MNAT1: variants seen among roughly 807,000 people sequenced by gnomAD.
The protein encoded by MNAT1 is MNAT1 component of CDK activating kinase.
In MNAT1, 43 loss-of-function variants were observed where a neutral mutation model predicts 42.0. That is an observed-to-expected ratio of 1.02 (90% CI 0.80 to 1.32). The LOEUF (loss-of-function observed/expected upper bound fraction) is 1.32. MNAT1 is among the 40% of genes most tolerant of loss of function. The pLI, the probability that MNAT1 is intolerant of heterozygous loss-of-function variation, is 0.00. For missense variants in MNAT1, 306 were observed against 350.4 expected, an observed-to-expected ratio of 0.87 and a Z score of 1.01; for synonymous variants, 118 against 120.0, an observed-to-expected ratio of 0.98 and a Z score of 0.11.
At chr14:60,966,489 A>T (rs1028897) in intron 7 of MNAT1, among the ~76,000 whole-genome samples, 137,601 of 152,168 alleles carry the variant, frequency 0.9, 62,913 homozygotes, top group Non-Finnish European at 0.99. Flanking sequence ...AAGATACAGT[A>T]TATGGAGAAA....
intron 7 of MNAT1, among the ~76,000 whole-genome samples, chr14:60,881,741 G>T (rs764252027): frequency 6.2e-4 from 95 of 152,190 alleles, no homozygotes; most frequent in Non-Finnish European, 1.1e-3. Context: ...CATTAAGGTA[G>T]ATGGTATATC....
intron 1 of MNAT1, among the ~76,000 whole-genome samples, chr14:60,776,650 A>G (rs2031262705): frequency 6.6e-6 from 1 of 152,138 alleles, no homozygotes; most frequent in African/African-American, 2.4e-5. Context: ...AGTATCACTG[A>G]TTGAAGTGTC....
In MNAT1 at chr14:60,738,344, C is replaced by T. The variant is rs190120229; in HGVS notation, c.89+3393C>T. ...GATCTAGGCTCACTGCAACCTCCACCTCCCAGGTTCAAGTGATTCTCCTGC... is the reference window on the plus strand; with the variant it reads ...GATCTAGGCTCACTGCAACCTCCACTTCCCAGGTTCAAGTGATTCTCCTGC... On this transcript the variant is annotated intron_variant, in intron 1 of 7. Coordinates refer to ENST00000261245, the MANE Select transcript of MNAT1 (RefSeq NM_002431.4). Among the ~76,000 whole-genome samples, 254 of 150,484 alleles carry T rather than the reference C, an allele frequency of 1.7e-3. 1 individual carries two copies. Among genetic ancestry groups the T allele is most frequent in the African/African-American group, 5.9e-3 (241 of 40,868 alleles).
intron 6 of MNAT1, among the ~76,000 whole-genome samples, chr14:60,820,283 C>G (rs1012683987): frequency 6.6e-6 from 1 of 151,964 alleles, no homozygotes; most frequent in Non-Finnish European, 1.5e-5. Context: ...GAACGAATGC[C>G]TCAAAACATT....
At chr14:60,876,190 T>G (rs576224387) in intron 6 of MNAT1, among the ~76,000 whole-genome samples, 1 of 152,214 alleles carries the variant, frequency 6.6e-6, no homozygotes, top group South Asian at 2.1e-4. Flanking sequence ...ACCTATGCAA[T>G]GCTCTCTGAA....
chr14:60,910,441 G>A (rs1486051822), intron 7 of MNAT1, among the ~76,000 whole-genome samples: 3 of 152,156 alleles, frequency 2.0e-5, no homozygotes, highest in African/African-American at 4.8e-5. Context: ...TGTCCATTCA[G>A]TATGATATTG....
chr14:60,803,730 C>T (rs748708428), intron 3 of MNAT1, among the ~76,000 whole-genome samples: 1 of 152,050 alleles, frequency 6.6e-6, no homozygotes, highest in Admixed American at 6.5e-5. Flanking sequence ...TAGGGTGCCT[C>T]AGAGGGTCAG....
At chr14:60,759,029 A>G (rs2030485471) in intron 1 of MNAT1, among the ~76,000 whole-genome samples, 1 of 152,062 alleles carries the variant, frequency 6.6e-6, no homozygotes, top group Non-Finnish European at 1.5e-5. Context: ...AGTATTTTCA[A>G]ACTGTGTTGC....
At chr14:60,950,639 T>C (rs1162395411) in intron 7 of MNAT1, among the ~76,000 whole-genome samples, 1 of 152,216 alleles carries the variant, frequency 6.6e-6, no homozygotes, top group African/African-American at 2.4e-5. Flanking sequence ...AGTGTTAGTG[T>C]ATTTTATGTG....
chr14:60,738,135 T>C (rs1896361660), intron 1 of MNAT1, among the ~76,000 whole-genome samples: 1 of 151,810 alleles, frequency 6.6e-6, no homozygotes, highest in Non-Finnish European at 1.5e-5. Context: ...TGTATGGAGA[T>C]TCCTATTGCC....
chr14:60,895,303 A>G (rs991361104), intron 7 of MNAT1, among the ~76,000 whole-genome samples: 1 of 152,246 alleles, frequency 6.6e-6, no homozygotes, highest in African/African-American at 2.4e-5. Flanking sequence ...CTAAATTTTT[A>G]GAAACATTTA....
intron 6 of MNAT1, among the ~76,000 whole-genome samples, chr14:60,835,713 G>A (rs778697787): frequency 6.6e-6 from 1 of 152,072 alleles, no homozygotes; most frequent in Non-Finnish European, 1.5e-5. Context: ...TATGTGTTTT[G>A]GGGTTGCTCT....
intron 7 of MNAT1, among the ~76,000 whole-genome samples, chr14:60,965,889 T>C (rs2036673277): frequency 1.3e-5 from 2 of 152,214 alleles, no homozygotes; most frequent in East Asian, 1.9e-4. Flanking sequence ...AAAATATTAC[T>C]CACTTATTAT....
intron 6 of MNAT1, among the ~76,000 whole-genome samples, chr14:60,833,608 A>G (rs1313605926): frequency 1.3e-5 from 2 of 152,114 alleles, no homozygotes; most frequent in African/African-American, 4.8e-5. Context: ...TTTTGCATCA[A>G]TGTTCATTGG....
intron 1 of MNAT1, among the ~76,000 whole-genome samples, chr14:60,778,860 G>A (rs1025078955): frequency 7.9e-5 from 12 of 152,176 alleles, no homozygotes; most frequent in Non-Finnish European, 1.5e-5. Context: ...TCCTCAACAG[G>A]TAATATGTAC....
chr14:60,894,233 T>C (rs540601238), intron 7 of MNAT1, among the ~76,000 whole-genome samples: 3 of 152,120 alleles, frequency 2.0e-5, no homozygotes, highest in African/African-American at 7.2e-5. Flanking sequence ...CCCTCCTCCA[T>C]TGGCACCCAA....
chr14:60,874,362 A>T (rs1239386107), intron 6 of MNAT1, among the ~76,000 whole-genome samples: 3 of 152,174 alleles, frequency 2.0e-5, no homozygotes, highest in Admixed American at 6.5e-5. Flanking sequence ...GTCTCAGGAC[A>T]CAACATACTG....
At chr14:60,885,873 C>A (rs923860710) in intron 7 of MNAT1, among the ~76,000 whole-genome samples, 1 of 151,902 alleles carries the variant, frequency 6.6e-6, no homozygotes, top group Non-Finnish European at 1.5e-5. Flanking sequence ...ACTATGTTTT[C>A]TCTTAAGAAT....
At chr14:60,821,247 G>A (rs1180095696) in intron 6 of MNAT1, among the ~76,000 whole-genome samples, 1 of 152,072 alleles carries the variant, frequency 6.6e-6, no homozygotes, top group Non-Finnish European at 1.5e-5. Flanking sequence ...CTCCAAAAGT[G>A]TTAGGATTAC....
Sources: allele counts gnomAD v4.1 joint callset (sites outside exome capture counted in the v4.1 genomes callset), GRCh38; gene constraint gnomAD v4.1.1; transcripts MANE v1.5; gene names NCBI Gene and HGNC (gene_info 2026-07-23, HGNC 2026-07-21).